SAMMSON: variants seen among roughly 807,000 people sequenced by gnomAD.
SAMMSON encodes long intergenic non-protein coding RNA 1212.
intron 4 of SAMMSON, among the ~76,000 whole-genome samples, chr3:70,144,430 T>C (rs2067539952): frequency 1.3e-5 from 2 of 152,092 alleles, no homozygotes; most frequent in Non-Finnish European, 2.9e-5. Flanking sequence ...TTAATAAAAT[T>C]CACCCCTTCC....
At chr3:70,396,002 C>A (rs1701089842) in intron 2 of SAMMSON, among the ~76,000 whole-genome samples, 1 of 152,130 alleles carries the variant, frequency 6.6e-6, no homozygotes, top group Non-Finnish European at 1.5e-5. Flanking sequence ...TAATTATAAT[C>A]CCCAGCTTAC....
intron 7 of SAMMSON, among the ~76,000 whole-genome samples, chr3:70,314,872 G>A (rs532593205): frequency 6.6e-6 from 1 of 152,124 alleles, no homozygotes; most frequent in South Asian, 2.1e-4. Context: ...GGCTTTCTAA[G>A]GTTCTGTGTT....
intron 2 of SAMMSON, among the ~76,000 whole-genome samples, chr3:70,400,305 G>T (rs988992903): frequency 6.6e-6 from 1 of 152,138 alleles, no homozygotes; most frequent in South Asian, 2.1e-4. Context: ...AGGTGTTTGG[G>T]TCATGCAGGT....
chr3:70,152,219 G>GA lies in SAMMSON; in HGVS notation n.507+80662dup, dbSNP rs573437457. On this transcript the variant is annotated intron_variant and non_coding_transcript_variant, in intron 4 of 9. Coordinates refer to ENST00000642114, the Ensembl canonical transcript of SAMMSON. ...TTGAACACTTGATTTGCGATACCATGAAAAAAAATCATCAAACAATTGGAT... is the reference window on the plus strand; with the variant it reads ...TTGAACACTTGATTTGCGATACCATGAAAAAAAAATCATCAAACAATTGGAT... 6.8e-4 allele frequency among the ~76,000 whole-genome samples: 103 copies of GA among 151,714 alleles called. 1 individual carries two copies. The highest frequency in any genetic ancestry group is 1.2e-3 in the Admixed American group (19 of 15,216).
chr3:70,411,388 A>G (rs994433738), intron 2 of SAMMSON, among the ~76,000 whole-genome samples: 4 of 152,224 alleles, frequency 2.6e-5, no homozygotes, highest in African/African-American at 9.6e-5. Flanking sequence ...TCAGTACAGA[A>G]CTTTCATCCA....
chr3:70,255,070 G>A (rs1189556464), intron 6 of SAMMSON, among the ~76,000 whole-genome samples: 3 of 152,110 alleles, frequency 2.0e-5, no homozygotes, highest in South Asian at 2.1e-4. Context: ...AGAGAGAAAC[G>A]CAGGTAAAAC....
intron 6 of SAMMSON, among the ~76,000 whole-genome samples, chr3:70,280,962 C>T (rs908291922): frequency 5.9e-5 from 9 of 152,088 alleles, no homozygotes; most frequent in Non-Finnish European, 1.0e-4. Flanking sequence ...TTTGTGTGAT[C>T]GTATTTCTAC....
intron 4 of SAMMSON, among the ~76,000 whole-genome samples, chr3:70,221,576 A>T (rs184208536): frequency 6.6e-6 from 1 of 152,234 alleles, no homozygotes; most frequent in Admixed American, 6.5e-5. Flanking sequence ...GGAGAAACAC[A>T]TGTCAACAGA....
At chr3:70,355,186 T>C (rs1360346519) in intron 8 of SAMMSON, among the ~76,000 whole-genome samples, 1 of 152,168 alleles carries the variant, frequency 6.6e-6, no homozygotes, top group African/African-American at 2.4e-5. Flanking sequence ...ATACTGACGC[T>C]GGAGATCTGG....
At chr3:70,204,709 G>A (rs1701274072) in intron 4 of SAMMSON, 1 of 150,736 alleles carries the variant, frequency 6.6e-6, no homozygotes, top group African/African-American at 2.4e-5. Context: ...TTTTAATGAA[G>A]TAGTGATTTG....
intron 4 of SAMMSON, among the ~76,000 whole-genome samples, chr3:70,135,241 A>G (rs1054759828): frequency 1.3e-5 from 2 of 152,174 alleles, no homozygotes; most frequent in African/African-American, 4.8e-5. Context: ...GGGAATAGCT[A>G]TTACCACTGT....
At chr3:70,108,387 C>CTTA (rs2106659013) in intron 4 of SAMMSON, among the ~76,000 whole-genome samples, 1 of 127,826 alleles carries the variant, frequency 7.8e-6, no homozygotes, top group South Asian at 2.8e-4. Context: ...CCCCGCATAG[C>CTTA]TTATCCATGT....
intron 2 of SAMMSON, among the ~76,000 whole-genome samples, chr3:70,401,161 T>C (rs1701137212): frequency 6.6e-6 from 1 of 152,200 alleles, no homozygotes; most frequent in Admixed American, 6.5e-5. Flanking sequence ...AGATATTTTG[T>C]TTTTTCTCAT....
rs12636127 is a variant in SAMMSON at position 70,408,308 on chromosome 3, T to G, written n.233+49984T>G. Among the ~76,000 whole-genome samples the G allele has an allele frequency of 1.1e-4, 16 of 152,374 alleles. No homozygotes were observed. In the East Asian group the frequency reaches 3.1e-3, roughly 29 times the overall value. On this transcript the variant is annotated intron_variant and non_coding_transcript_variant, in intron 2 of 3. Transcript: ENST00000641053. Reference sequence around the variant, plus strand: ...GCTTATGCAAATATCTGCAACCAGCTTGAATTTTTCCTCAGAAAATGGATT... The same window carrying G: ...GCTTATGCAAATATCTGCAACCAGCGTGAATTTTTCCTCAGAAAATGGATT...
intron 3 of SAMMSON, among the ~76,000 whole-genome samples, chr3:70,037,423 TCTC>T (rs1559778127): frequency 6.6e-6 from 1 of 151,906 alleles, no homozygotes; most frequent in African/African-American, 2.4e-5. Flanking sequence ...CATAACTCAA[TCTC>T]CTCCTCCGCC....
chr3:70,298,046 C>T (rs980297512), intron 7 of SAMMSON, among the ~76,000 whole-genome samples: 2 of 152,020 alleles, frequency 1.3e-5, no homozygotes, highest in African/African-American at 2.4e-5. Context: ...GATTGACAAT[C>T]GGGTGCTATT....
At chr3:70,348,236 T>G (rs964900684) in intron 7 of SAMMSON, among the ~76,000 whole-genome samples, 8 of 151,988 alleles carry the variant, frequency 5.3e-5, no homozygotes, top group Non-Finnish European at 2.9e-5. Flanking sequence ...ATAAGAAATG[T>G]GAGATTTGAT....
At chr3:70,290,373 G>C (rs1160461083) in intron 6 of SAMMSON, among the ~76,000 whole-genome samples, 2 of 152,210 alleles carry the variant, frequency 1.3e-5, no homozygotes, top group Non-Finnish European at 2.9e-5. Context: ...AGGCTGCTCG[G>C]GGGCCAGGGG....
intron 7 of SAMMSON, among the ~76,000 whole-genome samples, chr3:70,311,691 G>A (rs138939686): frequency 2.6e-5 from 4 of 151,792 alleles, no homozygotes; most frequent in African/African-American, 4.8e-5. Flanking sequence ...ACCACAAGAA[G>A]CATTTTAATA....
Sources: gnomAD v4.1 joint callset for allele counts (sites outside exome capture counted in the v4.1 genomes callset) on GRCh38, gnomAD v4.1.1 for gene constraint, MANE v1.5 for transcripts, NCBI Gene and HGNC (gene_info 2026-07-23, HGNC 2026-07-21) for gene names.